Variants in ODAD2 observed in about 807,000 individuals in gnomAD.
ODAD2 encodes the protein outer dynein arm-docking complex subunit 2.
A neutral mutation model predicts 106.8 loss-of-function variants in ODAD2; 89 were observed. The observed-to-expected ratio is 0.83, with a 90% confidence interval of 0.70 to 0.99. The LOEUF (loss-of-function observed/expected upper bound fraction) is 0.99, where lower values mean the gene tolerates loss of function less well. Ranked by LOEUF, ODAD2 falls within the 50% of genes least tolerant of loss-of-function variation. The pLI, the probability that ODAD2 is intolerant of heterozygous loss-of-function variation, is 0.00. For synonymous variants in ODAD2, 404 were observed against 436.2 expected (o/e 0.93, Z 0.92); for missense variants, 1,168 against 1,238.5 (o/e 0.94, Z 0.85).
In ODAD2 at chr10:27,912,352, C is replaced by T. The variant is rs138732974; in HGVS notation, c.2496-4575G>A. Among the ~76,000 whole-genome samples, 344 of 152,180 alleles carry T rather than the reference C, an allele frequency of 2.3e-3. 1 individual carries two copies. The highest frequency in any genetic ancestry group is 1.0e-2 in the South Asian group (48 of 4,822). On this transcript the variant is annotated intron_variant, in intron 16 of 19. Transcript: ENST00000305242. ...TTATCTCAGAAATCAAACTGCCTGG[C>T]TGGCAAAATAACAGCTCTAGAAAGA...
At chr10:27,858,394 A>G (rs1277245321) in intron 19 of ODAD2, among the ~76,000 whole-genome samples, 1 of 152,188 alleles carries the variant, frequency 6.6e-6, no homozygotes, top group Non-Finnish European at 1.5e-5. Flanking sequence ...GTTATTGCAG[A>G]GTAATTTACA....
intron 19 of ODAD2, among the ~76,000 whole-genome samples, chr10:27,838,990 C>A (rs1369846408): frequency 1.3e-5 from 2 of 152,196 alleles, no homozygotes; most frequent in African/African-American, 4.8e-5. Context: ...CAATCTAACG[C>A]TTTTGATATC....
chr10:27,930,293 T>G (rs1465067976), intron 16 of ODAD2, among the ~76,000 whole-genome samples: 1 of 152,140 alleles, frequency 6.6e-6, no homozygotes, highest in East Asian at 1.9e-4. Context: ...CCTATAATCC[T>G]AAGCACTTTG....
intron 19 of ODAD2, among the ~76,000 whole-genome samples, chr10:27,819,799 A>C (rs1836456335): frequency 6.6e-6 from 1 of 150,724 alleles, no homozygotes; most frequent in Non-Finnish European, 1.5e-5. Context: ...AGTGATCAGC[A>C]CAATGCATCT....
At position 27,862,268 on chromosome 10, in the gene ODAD2, A is replaced by G. The variant is rs540741901; in HGVS notation, c.2799+166T>C. Among the ~76,000 whole-genome samples the G allele has an allele frequency of 6.6e-5, 10 of 152,320 alleles. No individual in the cohort carries two copies. The South Asian group carries it at 1.7e-3, about 25-fold the overall frequency. ...TATAGTTTAAAATACGCTTTCACATATATTAGTCTCAGAGAAACTAAATGA... is the reference window on the plus strand; with the variant it reads ...TATAGTTTAAAATACGCTTTCACATGTATTAGTCTCAGAGAAACTAAATGA... On this transcript the variant is annotated intron_variant, in intron 18 of 19. Coordinates refer to ENST00000305242, the MANE Select transcript of ODAD2 (RefSeq NM_018076.5).
intron 2 of ODAD2, among the ~76,000 whole-genome samples, chr10:27,989,888 C>T (rs553158064): frequency 6.6e-6 from 1 of 152,128 alleles, no homozygotes; most frequent in South Asian, 2.1e-4. Flanking sequence ...ATAAAAAACG[C>T]CAGCTATGGA....
chr10:27,981,836 A>C, intron 6 of ODAD2: 4 of 278,690 alleles, frequency 1.4e-5, no homozygotes, highest in Non-Finnish European at 2.7e-5. Flanking sequence ...TACCTCCTAT[A>C]TGCATGTAAG....
chr10:27,857,085 C>A (rs1262609394), intron 19 of ODAD2, among the ~76,000 whole-genome samples: 1 of 152,066 alleles, frequency 6.6e-6, no homozygotes, highest in Non-Finnish European at 1.5e-5. Context: ...AAAGTTTAAA[C>A]TGCACGAGTC....
In ODAD2 at chr10:27,812,584, C is replaced by T. The variant is rs774495532; in HGVS notation, c.3063G>A (p.Gln1021=). The part of the protein sequence containing the change: ...DMVGSPDQDL[Q]EAAAGCISNI... Reference sequence around the variant, plus strand: ...TGGATATACAACCAGCTGCAGCTTCCTGGAGATCCTGGTCAGGGGACCCAA... The same window carrying T: ...TGGATATACAACCAGCTGCAGCTTCTTGGAGATCCTGGTCAGGGGACCCAA... Residue 1021 remains glutamine, a synonymous_variant, in exon 20 of 20, where the codon CAG becomes CAA. Transcript: ENST00000305242. 4 of 1,612,872 alleles carry T rather than the reference C, an allele frequency of 2.5e-6. No individual in the cohort carries two copies. The highest frequency in any genetic ancestry group is 1.3e-5 in the African/African-American group (1 of 74,842).
At chr10:27,962,687 A>C (rs1008737326) in intron 9 of ODAD2, among the ~76,000 whole-genome samples, 2 of 152,158 alleles carry the variant, frequency 1.3e-5, no homozygotes, top group African/African-American at 2.4e-5. Context: ...ATTACAAGAG[A>C]CTTCTGGAAT....
At chr10:27,882,477 G>A (rs1192178772) in intron 17 of ODAD2, among the ~76,000 whole-genome samples, 1 of 152,122 alleles carries the variant, frequency 6.6e-6, no homozygotes, top group Non-Finnish European at 1.5e-5. Flanking sequence ...TGGTGGAATA[G>A]TGACCTCCAA....
At chr10:27,938,071 G>A (rs996360036) in intron 14 of ODAD2, among the ~76,000 whole-genome samples, 2 of 152,078 alleles carry the variant, frequency 1.3e-5, no homozygotes, top group Non-Finnish European at 2.9e-5. Flanking sequence ...CACCTCCAGA[G>A]TAACTGGGAT....
intron 10 of ODAD2, among the ~76,000 whole-genome samples, chr10:27,955,912 G>A (rs1457761996): frequency 1.3e-5 from 2 of 152,020 alleles, no homozygotes; most frequent in Admixed American, 1.3e-4. Flanking sequence ...GCAGCCCGGT[G>A]GCATTTCTGA....
intron 18 of ODAD2, among the ~76,000 whole-genome samples, chr10:27,861,059 T>G (rs1273981923): frequency 6.6e-6 from 1 of 152,174 alleles, no homozygotes. Flanking sequence ...TGGTGCCATC[T>G]CAGCTCACTG....
intron 19 of ODAD2, among the ~76,000 whole-genome samples, chr10:27,850,589 AAT>A (rs1839187446): frequency 1.3e-5 from 2 of 152,232 alleles, no homozygotes; most frequent in South Asian, 4.1e-4. Flanking sequence ...TAAATAAATA[AAT>A]AAAATGAAAA....
At chr10:27,898,937 T>TATC (rs1374389926) in intron 17 of ODAD2, among the ~76,000 whole-genome samples, 1 of 152,148 alleles carries the variant, frequency 6.6e-6, no homozygotes, top group African/African-American at 2.4e-5. Context: ...TAAAAAATAT[T>TATC]ATATTTAGGA....
chr10:27,890,653 T>C (rs1034205437), intron 17 of ODAD2, among the ~76,000 whole-genome samples: 32 of 151,968 alleles, frequency 2.1e-4, no homozygotes, highest in Non-Finnish European at 1.3e-4. Context: ...AGGAAAGTGA[T>C]AGATTTGAGC....
intron 19 of ODAD2, among the ~76,000 whole-genome samples, chr10:27,829,072 T>C (rs1837282818): frequency 6.6e-6 from 1 of 151,840 alleles, no homozygotes; most frequent in Non-Finnish European, 1.5e-5. Context: ...TTAGAACAGA[T>C]ATTATCCAGA....
At chr10:27,831,908 G>GTTCT (rs1266958811) in intron 19 of ODAD2, among the ~76,000 whole-genome samples, 18 of 152,350 alleles carry the variant, frequency 1.2e-4, no homozygotes, top group East Asian at 1.2e-3. Context: ...TATGCAGTCT[G>GTTCT]TGAGGGCACC....
Sources: allele counts gnomAD v4.1 joint callset (sites outside exome capture counted in the v4.1 genomes callset), GRCh38; gene constraint gnomAD v4.1.1; transcripts MANE v1.5; gene names NCBI Gene and HGNC (gene_info 2026-07-23, HGNC 2026-07-21).